The following ABLIM1 variants were observed in gnomAD, a reference collection of about 807,000 sequenced individuals.
ABLIM1 encodes the protein actin-binding LIM protein 1.
Under a neutral mutation model 107.0 loss-of-function variants are expected in ABLIM1, and 40 were observed. The ratio of observed to expected loss-of-function variants is 0.37; its 90% confidence interval spans 0.29 to 0.49. The LOEUF (loss-of-function observed/expected upper bound fraction) is 0.49. Among genes scored for constraint, ABLIM1 ranks in the 20% least tolerant of loss-of-function variants. ABLIM1 has a pLI of 0.97. For synonymous variants in ABLIM1, 357 were observed against 357.3 expected (o/e 1.00, Z 0.01); for missense variants, 857 against 1,008.5 (o/e 0.85, Z 2.04).
intron 21 of ABLIM1, 54 bp from the exon 22 acceptor site, chr10:114,437,978 A>C: frequency 6.5e-7 from 1 of 1,527,900 alleles, no homozygotes; most frequent in South Asian, 1.1e-5. Context: ...TTTATTAACA[A>C]GCAGAATCCA....
At chr10:114,659,237 G>A (rs554951448), upstream of ABLIM1, among the ~76,000 whole-genome samples, 1 of 151,982 alleles carries the variant, frequency 6.6e-6, no homozygotes, top group East Asian at 1.9e-4. Context: ...CTGCAGGTGC[G>A]GTTGCTCACG....
At chr10:114,747,461 A>G (rs746293787) in intron 1 of ABLIM1, among the ~76,000 whole-genome samples, 1 of 152,206 alleles carries the variant, frequency 6.6e-6, no homozygotes, top group Non-Finnish European at 1.5e-5. Flanking sequence ...CCCTCCTGGT[A>G]CACATCACAA....
intron 1 of ABLIM1, among the ~76,000 whole-genome samples, chr10:114,754,654 C>G (rs749470006): frequency 5.3e-5 from 8 of 152,174 alleles, no homozygotes; most frequent in Non-Finnish European, 8.8e-5. Context: ...ATTCAGAGAA[C>G]CAGGGCAGGC....
At chr10:114,592,149 AATAC>A (rs1362875163) in intron 2 of ABLIM1, among the ~76,000 whole-genome samples, 1 of 152,192 alleles carries the variant, frequency 6.6e-6, no homozygotes, top group Admixed American at 6.6e-5. Flanking sequence ...ATAATATATA[AATAC>A]ATATATATGT....
intron 5 of ABLIM1, 55 bp from the exon 6 acceptor site, chr10:114,545,153 A>G (rs1261815859): frequency 1.3e-6 from 2 of 1,500,790 alleles, no homozygotes; most frequent in South Asian, 2.3e-5. Context: ...GCTGGAGAAG[A>G]CACCAAAACC....
chr10:114,781,608 ATATG>A, the ABLIM1 span, among the ~76,000 whole-genome samples: 6 of 150,396 alleles, frequency 4.0e-5, no homozygotes, highest in Non-Finnish European at 8.9e-5. Context: ...ATATATGTAT[ATATG>A]TGTGTGTATA....
chr10:114,776,557 G>A, the ABLIM1 span, among the ~76,000 whole-genome samples: 1 of 152,130 alleles, frequency 6.6e-6, no homozygotes, highest in Non-Finnish European at 1.5e-5. Context: ...AGGTTGCAGT[G>A]AGCCTAGACT....
At chr10:114,777,870 T>C in the ABLIM1 span, 1 of 152,380 alleles carries the variant, frequency 6.6e-6, no homozygotes, top group Non-Finnish European at 1.5e-5. Context: ...TGGTGTTCAT[T>C]GTTTCCACAG....
intron 1 of ABLIM1, among the ~76,000 whole-genome samples, chr10:114,703,636 G>C (rs2081349167): frequency 6.6e-6 from 1 of 152,242 alleles, no homozygotes; most frequent in South Asian, 2.1e-4. Context: ...GAACACCTCA[G>C]GAGGTCAGCA....
At chr10:114,703,544 A>G (rs527970138) in intron 1 of ABLIM1, among the ~76,000 whole-genome samples, 175 of 152,320 alleles carry the variant, frequency 1.1e-3, no homozygotes, top group Middle Eastern at 3.4e-3. Flanking sequence ...CTTCACCTAC[A>G]GTGGCAGCAC....
intron 10 of ABLIM1, 199 bp from the exon 11 acceptor site, chr10:114,468,415 C>T (rs925545778): frequency 1.3e-5 from 4 of 302,014 alleles, no homozygotes; most frequent in African/African-American, 1.1e-4. Flanking sequence ...GCTGGGACTA[C>T]AGGCGCCGCC....
chr10:114,632,724 G>T, intron 1 of ABLIM1: 1 of 985,352 alleles, frequency 1.0e-6, no homozygotes, highest in Non-Finnish European at 1.2e-6. Context: ...ATGTAGGGGG[G>T]ATTTTGACTT....
chr10:114,456,494 C>G (rs2062845145), intron 12 of ABLIM1, among the ~76,000 whole-genome samples: 1 of 152,152 alleles, frequency 6.6e-6, no homozygotes, highest in African/African-American at 2.4e-5. Flanking sequence ...TGCTTCTGAA[C>G]CCCCCTGCCC....
chr10:114,686,787 C>A (rs867844403), upstream of ABLIM1, among the ~76,000 whole-genome samples: 1 of 151,884 alleles, frequency 6.6e-6, no homozygotes, highest in Middle Eastern at 3.4e-3. Flanking sequence ...TGCCACCATG[C>A]CCGGCTATTT....
rs559281253 is a variant in ABLIM1 at position 114,531,447 on chromosome 10, C to A, written c.894+13558G>T. Among the ~76,000 whole-genome samples, 58 of 152,340 alleles carry A rather than the reference C, an allele frequency of 3.8e-4. No individual in the cohort carries two copies. In the South Asian group the frequency reaches 8.7e-3, roughly 23 times the overall value. On this transcript the variant is annotated intron_variant, in intron 6 of 22. Transcript: ENST00000533213. ...TCAGATGAGAAGGGTCAAGACCTAT[C>A]CCAGCTTCAGGTGCCGGGACTCAAC...
intron 1 of ABLIM1, among the ~76,000 whole-genome samples, chr10:114,615,234 T>G (rs779936928): frequency 4.9e-4 from 75 of 152,088 alleles, no homozygotes; most frequent in Non-Finnish European, 5.0e-4. Context: ...AGATGCGCTC[T>G]GGCCCCACCA....
At chr10:114,558,902 AGTGTGTGTGTCTGT>A (rs2069184586) in intron 4 of ABLIM1, among the ~76,000 whole-genome samples, 2 of 148,608 alleles carry the variant, frequency 1.3e-5, no homozygotes, top group African/African-American at 5.1e-5. Flanking sequence ...AGGGAGAACT[AGTGTGTGTGTCTGT>A]GTGTGTGTGT....
intron 8 of ABLIM1, among the ~76,000 whole-genome samples, chr10:114,475,130 C>T (rs2056111437): frequency 6.6e-6 from 1 of 152,166 alleles, no homozygotes; most frequent in South Asian, 2.1e-4. Flanking sequence ...ACCAGGGCCT[C>T]AGGATTCTAT....
chr10:114,444,095 T>C lies in ABLIM1; in HGVS notation c.1867A>G (p.Met623Val). The C allele has an allele frequency of 6.2e-7, 1 of 1,610,752 alleles. No homozygotes were observed. The highest frequency in any genetic ancestry group is 8.5e-7 in the Non-Finnish European group (1 of 1,179,348). The change falls in exon 17 of 23, where the codon ATG becomes GTG. Residue 623 changes from methionine (M) to valine (V), a missense_variant. Around this residue, in one of 5 missense-constraint regions of ABLIM1, gnomAD observed 193 missense variants for 208.5 expected, o/e 0.93. Coordinates refer to ENST00000533213, the MANE Select transcript of ABLIM1 (RefSeq NM_002313.7). ...GLGQLILKEE[M>V]EKESRERSSL... The stretch of plus-strand genomic sequence containing the variant: ...GACCTTTCCCGGCTCTCTTTCTCCA[T>C]CTCTTCTTTCAAGATCAACTGTCCC...
Sources: allele counts gnomAD v4.1 joint callset (sites outside exome capture counted in the v4.1 genomes callset), GRCh38; gene constraint gnomAD v4.1.1; regional missense constraint gnomAD v4.1.1; transcripts MANE v1.5; gene names NCBI Gene and HGNC (gene_info 2026-07-23, HGNC 2026-07-21).